Variants in DCAF6 observed in about 807,000 individuals in gnomAD.
DCAF6 encodes the protein DDB1 and CUL4 associated factor 6.
DCAF6 carries 54 observed loss-of-function variants against 125.1 expected under a neutral mutation model. That is an observed-to-expected ratio of 0.43 (90% CI 0.35 to 0.54). The LOEUF (loss-of-function observed/expected upper bound fraction) is 0.54, where lower values mean the gene tolerates loss of function less well. DCAF6 is among the 20% of genes least tolerant of loss of function. The pLI, the probability that DCAF6 is intolerant of heterozygous loss-of-function variation, is 0.01. For missense variants in DCAF6, 934 were observed against 1,161.7 expected, an observed-to-expected ratio of 0.80 and a Z score of 2.85; for synonymous variants, 371 against 390.4, an observed-to-expected ratio of 0.95 and a Z score of 0.58.
At chr1:167,953,632 GC>G (rs1281948254) in intron 2 of DCAF6, among the ~76,000 whole-genome samples, 2 of 152,284 alleles carry the variant, frequency 1.3e-5, no homozygotes, top group East Asian at 3.9e-4. Flanking sequence ...ATGGGGTCTT[GC>G]TCTGTCACCA....
intron 17 of DCAF6, among the ~76,000 whole-genome samples, 182 bp from the exon 18 acceptor site, chr1:168,063,436 TGTA>T (rs1318994910): frequency 2.0e-5 from 3 of 152,198 alleles, no homozygotes; most frequent in African/African-American, 7.2e-5. Context: ...AATACTTTGT[TGTA>T]GTAACTCAAC....
chr1:167,883,902 C>T, the DCAF6 span, among the ~76,000 whole-genome samples: 2 of 152,114 alleles, frequency 1.3e-5, no homozygotes, highest in Non-Finnish European at 2.9e-5. Flanking sequence ...TGAGCCATTG[C>T]AATAAGGGAA....
At chr1:168,074,531 A>C (rs1012567652) in intron 21 of DCAF6, among the ~76,000 whole-genome samples, 1 of 152,186 alleles carries the variant, frequency 6.6e-6, no homozygotes, top group African/African-American at 2.4e-5. Flanking sequence ...GAGGATATAA[A>C]GATAAAAAGA....
At chr1:167,918,075 G>A in the DCAF6 span, 3 of 362,122 alleles carry the variant, frequency 8.3e-6, no homozygotes, top group Non-Finnish European at 1.5e-5. Context: ...GGGTATATAC[G>A]AGCAAGTATG....
At chr1:167,882,415 G>A in the DCAF6 span, among the ~76,000 whole-genome samples, 1 of 150,466 alleles carries the variant, frequency 6.6e-6, no homozygotes, top group Non-Finnish European at 1.5e-5. Flanking sequence ...AACCCGGGAG[G>A]CGGAGGTTTC....
intron 7 of DCAF6, among the ~76,000 whole-genome samples, chr1:167,998,961 A>G (rs141946693): frequency 5.3e-5 from 8 of 152,228 alleles, no homozygotes; most frequent in African/African-American, 1.9e-4. Flanking sequence ...TAAGGCATCT[A>G]GAATGGTCAA....
chr1:167,905,236 T>C, the DCAF6 span: 3 of 1,364,800 alleles, frequency 2.2e-6, no homozygotes, highest in Non-Finnish European at 3.1e-6. Flanking sequence ...TCTGATATAT[T>C]CATTTGCTCA....
At chr1:167,919,907 C>CAAA in the DCAF6 span, 43 of 884,746 alleles carry the variant, frequency 4.9e-5, no homozygotes, top group East Asian at 8.9e-5. Context: ...GACCCCGTCT[C>CAAA]AAAAAAAAAA....
chr1:167,925,442 C>CGTATATATATATAT, the DCAF6 span, among the ~76,000 whole-genome samples: 19 of 82,454 alleles, frequency 2.3e-4, no homozygotes, highest in Non-Finnish European at 2.8e-4. Flanking sequence ...TACATATACA[C>CGTATATATATATAT]ATATATATAT....
rs904940635 is a variant in DCAF6, at chr1:167,936,939, C to G, written c.28C>G (p.Leu10Val). The G allele has an allele frequency of 6.2e-7, 1 of 1,609,660 alleles. No homozygotes were observed. The highest frequency in any genetic ancestry group is 8.5e-7 in the Non-Finnish European group (1 of 1,178,756). MSRGGSYPH[L>V]LWDVRKRSLG... Reference sequence around the variant, plus strand: ...GTCTCGGGGTGGCTCCTACCCACACCTGTTGTGGGACGTGAGGAAAAGGTC... The same window carrying G: ...GTCTCGGGGTGGCTCCTACCCACACGTGTTGTGGGACGTGAGGAAAAGGTC... Residue 10 changes from leucine to valine, a missense_variant, in exon 1 of 22, where the codon CTG becomes GTG. By Grantham distance (32) the Leu-to-Val change is conservative. Transcript: ENST00000367840.
chr1:167,959,519 G>A (rs1675264187), intron 2 of DCAF6, among the ~76,000 whole-genome samples: 1 of 152,140 alleles, frequency 6.6e-6, no homozygotes, highest in African/African-American at 2.4e-5. Flanking sequence ...ATTCCCACCA[G>A]CAATGAATAT....
the DCAF6 span, among the ~76,000 whole-genome samples, chr1:167,898,556 G>A: frequency 6.6e-6 from 1 of 151,574 alleles, no homozygotes; most frequent in Non-Finnish European, 1.5e-5. Flanking sequence ...CCGAGATCAC[G>A]CCATTGCACT....
At chr1:167,985,862 C>A (rs968675779) in intron 4 of DCAF6, among the ~76,000 whole-genome samples, 1 of 151,946 alleles carries the variant, frequency 6.6e-6, no homozygotes, top group African/African-American at 2.4e-5. Context: ...AAGAAACAGC[C>A]CCCCATAAGT....
At chr1:167,879,187 T>A in the DCAF6 span, among the ~76,000 whole-genome samples, 1 of 152,208 alleles carries the variant, frequency 6.6e-6, no homozygotes, top group African/African-American at 2.4e-5. Context: ...ATGTGCAAAC[T>A]ACTTGGGACA....
At chr1:167,937,037 T>C (rs546342887) in intron 1 of DCAF6, 29 bp downstream of exon 1, 6 of 1,576,388 alleles carry the variant, frequency 3.8e-6, no homozygotes, top group Non-Finnish European at 4.3e-6. Flanking sequence ...GCGGAGGCGC[T>C]GAGGTCGCCG....
At chr1:167,896,710 G>T in the DCAF6 span, 1 of 1,498,526 alleles carries the variant, frequency 6.7e-7, no homozygotes, top group South Asian at 1.1e-5. Context: ...AAGCAAATGA[G>T]AAGTTTTCAG....
Position 168,013,363 on chromosome 1 carries a change from G to A in DCAF6, c.1379-2418G>A, listed in dbSNP as rs546145036. The stretch of plus-strand genomic sequence containing the variant: ...TCGTAACAAGAAATTAGTACCTGGC[G>A]TTATTGATTTCTGAAACAGTAAACC... On this transcript the variant is annotated intron_variant, in intron 10 of 21. Coordinates refer to ENST00000367840, the MANE Select transcript of DCAF6 (RefSeq NM_001198956.2). 4.7e-4 allele frequency among the ~76,000 whole-genome samples: 72 copies of A among 152,264 alleles called. 1 individual carries two copies. Among genetic ancestry groups the A allele is most frequent in the African/African-American group, 1.3e-3 (52 of 41,548 alleles).
intron 21 of DCAF6, among the ~76,000 whole-genome samples, chr1:168,074,866 G>A (rs1435213334): frequency 2.0e-5 from 3 of 152,188 alleles, no homozygotes; most frequent in African/African-American, 7.2e-5. Flanking sequence ...ATTCACTTGA[G>A]TATTTAACCT....
chr1:168,004,100 C>A, intron 9 of DCAF6, 111 bp downstream of exon 9: 1 of 1,292,004 alleles, frequency 7.7e-7, no homozygotes, highest in Non-Finnish European at 1.1e-6. Flanking sequence ...CTGTAATAAT[C>A]ACAAGGTTCT....
Sources: gnomAD v4.1 joint callset for allele counts (sites outside exome capture counted in the v4.1 genomes callset) on GRCh38, gnomAD v4.1.1 for gene constraint, MANE v1.5 for transcripts, NCBI Gene and HGNC (gene_info 2026-07-23, HGNC 2026-07-21) for gene names.